The following NKAIN2 variants were observed in gnomAD, a reference collection of about 807,000 sequenced individuals.
The protein encoded by NKAIN2 is sodium/potassium transporting ATPase interacting 2, also known as sodium/potassium-transporting ATPase subunit beta-1-interacting protein 2.
A neutral mutation model predicts 32.6 loss-of-function variants in NKAIN2; 14 were observed. That is an observed-to-expected ratio of 0.43 (90% CI 0.28 to 0.67). NKAIN2 has a LOEUF of 0.67. Ranked by LOEUF, NKAIN2 falls within the 30% of genes least tolerant of loss-of-function variation. NKAIN2 has a pLI of 0.17. For synonymous variants in NKAIN2, 80 were observed against 87.2 expected (o/e 0.92, Z 0.46); for missense variants, 198 against 258.3 (o/e 0.77, Z 1.60).
intron 1 of NKAIN2, among the ~76,000 whole-genome samples, chr6:123,906,346 G>A (rs1454405336): frequency 2.9e-5 from 4 of 139,040 alleles, no homozygotes; most frequent in Admixed American, 7.3e-5. Context: ...ACAGTGGTGC[G>A]ATCATGGCTC....
chr6:124,568,093 G>A (rs140174628), intron 3 of NKAIN2, among the ~76,000 whole-genome samples: 1 of 152,296 alleles, frequency 6.6e-6, no homozygotes, highest in Non-Finnish European at 1.5e-5. Context: ...TTGGAACTGG[G>A]TCACTGACAC....
chr6:124,331,363 A>AAAAAAAAAAAAAAAAAAAAAAAAAC (rs1797646782), intron 2 of NKAIN2, among the ~76,000 whole-genome samples: 1 of 141,906 alleles, frequency 7.0e-6, no homozygotes, highest in Non-Finnish European at 1.5e-5. Context: ...AAAAAAAAAA[A>AAAAAAAAAAAAAAAAAAAAAAAAAC]AAAAAAAAAA....
intron 3 of NKAIN2, among the ~76,000 whole-genome samples, chr6:124,390,383 A>G (rs1438803639): frequency 6.6e-6 from 1 of 152,126 alleles, no homozygotes. Context: ...CTATGAAGAC[A>G]AGTTTACTGA....
intron 1 of NKAIN2, among the ~76,000 whole-genome samples, chr6:124,192,169 T>G (rs1451657524): frequency 6.6e-6 from 1 of 152,156 alleles, no homozygotes; most frequent in Non-Finnish European, 1.5e-5. Flanking sequence ...ACTTTTCTTC[T>G]TACAGTTTCA....
chr6:124,718,409 T>A (rs1306976711), intron 4 of NKAIN2, among the ~76,000 whole-genome samples: 1 of 152,204 alleles, frequency 6.6e-6, no homozygotes, highest in African/African-American at 2.4e-5. Flanking sequence ...TGCATCAGTA[T>A]TTCATTCATT....
At chr6:124,571,130 T>C (rs1781111928) in intron 3 of NKAIN2, among the ~76,000 whole-genome samples, 1 of 152,148 alleles carries the variant, frequency 6.6e-6, no homozygotes, top group South Asian at 2.1e-4. Flanking sequence ...AACAGCTGTA[T>C]TTACCCAATA....
intron 3 of NKAIN2, among the ~76,000 whole-genome samples, chr6:124,523,138 G>A (rs1472625763): frequency 2.9e-4 from 4 of 13,670 alleles, no homozygotes; most frequent in East Asian, 0.056. Context: ...GCGAGACTCC[G>A]TCTCAAAAAA....
intron 4 of NKAIN2, among the ~76,000 whole-genome samples, chr6:124,691,293 C>A (rs911393870): frequency 6.6e-6 from 1 of 152,160 alleles, no homozygotes; most frequent in Non-Finnish European, 1.5e-5. Flanking sequence ...TCACTACACT[C>A]CTGGACCACT....
chr6:124,628,418 T>C (rs1259557119), intron 3 of NKAIN2, among the ~76,000 whole-genome samples: 2 of 152,182 alleles, frequency 1.3e-5, no homozygotes, highest in Non-Finnish European at 2.9e-5. Flanking sequence ...ATTGTCTTCA[T>C]TATGTTGAAG....
chr6:123,977,731 C>T (rs1327428410), intron 1 of NKAIN2, among the ~76,000 whole-genome samples: 1 of 152,138 alleles, frequency 6.6e-6, no homozygotes, highest in Non-Finnish European at 1.5e-5. Context: ...CAGAACAGGA[C>T]TAATAATGGC....
At chr6:124,623,330 A>C (rs1435302191) in intron 3 of NKAIN2, among the ~76,000 whole-genome samples, 1 of 152,164 alleles carries the variant, frequency 6.6e-6, no homozygotes, top group Non-Finnish European at 1.5e-5. Flanking sequence ...TGGACATTTC[A>C]TTTGTAAAGA....
chr6:124,452,946 C>T (rs1776166902), intron 3 of NKAIN2, among the ~76,000 whole-genome samples: 1 of 152,002 alleles, frequency 6.6e-6, no homozygotes, highest in African/African-American at 2.4e-5. Flanking sequence ...GGGGTTATTA[C>T]CTGCCAAGCA....
intron 1 of NKAIN2, among the ~76,000 whole-genome samples, chr6:123,985,756 TG>T (rs1779108111): frequency 5.3e-5 from 8 of 152,194 alleles, no homozygotes. Flanking sequence ...GAGTTGCATA[TG>T]GGCAGGAAAA....
chr6:124,303,549 G>A lies in NKAIN2; in HGVS notation c.192+20407G>A, dbSNP rs118008434. ...AACATTAAGGTTGCTTTGATCTAAAGACAGTATTTATAGTCAGTACGTGGT... is the reference window on the plus strand; with the variant it reads ...AACATTAAGGTTGCTTTGATCTAAAAACAGTATTTATAGTCAGTACGTGGT... On this transcript the variant is annotated intron_variant, in intron 2 of 6. Transcript: ENST00000368417. Among the ~76,000 whole-genome samples, 167 of 152,320 alleles carry A rather than the reference G, an allele frequency of 1.1e-3. 5 individuals are homozygous for A. The East Asian group carries it at 0.026, about 24-fold the overall frequency.
At chr6:124,694,662 A>G (rs1480166962) in intron 4 of NKAIN2, among the ~76,000 whole-genome samples, 1 of 152,242 alleles carries the variant, frequency 6.6e-6, no homozygotes, top group Non-Finnish European at 1.5e-5. Context: ...ACATAATTAC[A>G]GTAAATCTCC....
At chr6:124,617,647 C>T (rs1445408070) in intron 3 of NKAIN2, among the ~76,000 whole-genome samples, 1 of 152,162 alleles carries the variant, frequency 6.6e-6, no homozygotes, top group African/African-American at 2.4e-5. Context: ...AGGACTCACT[C>T]ATATCCAATA....
At chr6:124,150,505 C>A (rs1787657101) in intron 1 of NKAIN2, among the ~76,000 whole-genome samples, 1 of 152,004 alleles carries the variant, frequency 6.6e-6, no homozygotes, top group African/African-American at 2.4e-5. Context: ...GGTGCTCATG[C>A]CACATCCTAT....
intron 1 of NKAIN2, among the ~76,000 whole-genome samples, chr6:124,228,089 T>C (rs994090753): frequency 6.6e-6 from 1 of 152,174 alleles, no homozygotes; most frequent in Non-Finnish European, 1.5e-5. Flanking sequence ...ATAAAGGTAC[T>C]AAACTCATCA....
intron 1 of NKAIN2, among the ~76,000 whole-genome samples, chr6:124,062,790 T>G (rs1339120365): frequency 2.0e-5 from 3 of 152,206 alleles, no homozygotes; most frequent in African/African-American, 7.2e-5. Flanking sequence ...TTTTTATCAT[T>G]GGCAGTGTGT....
Sources: gnomAD v4.1 joint callset for allele counts (sites outside exome capture counted in the v4.1 genomes callset) on GRCh38, gnomAD v4.1.1 for gene constraint, MANE v1.5 for transcripts, NCBI Gene and HGNC (gene_info 2026-07-23, HGNC 2026-07-21) for gene names.